The following HMCN2 variants were observed in gnomAD, a reference collection of about 807,000 sequenced individuals.
The protein encoded by HMCN2 is hemicentin 2, also known as hemicentin-2.
In HMCN2, 325 loss-of-function variants were observed where a neutral mutation model predicts 377.5. The ratio of observed to expected loss-of-function variants is 0.86; its 90% CI spans 0.79 to 0.94. The LOEUF is 0.94. HMCN2 is among the 40% of genes least tolerant of loss of function. HMCN2 has a pLI of 0.00. For missense variants in HMCN2, 4,543 were observed against 4,725.3 expected (o/e 0.96, Z 1.13); for synonymous variants, 2,007 against 2,046.8 (o/e 0.98, Z 0.53).
intron 73 of HMCN2, 80 bp from the exon 74 acceptor site, chr9:130,397,448 G>C: frequency 8.2e-7 from 1 of 1,226,248 alleles, no homozygotes; most frequent in South Asian, 1.3e-5. Context: ...TGGGGGCAGA[G>C]GGAAGGGTCT....
chr9:130,385,929 C>G (rs746599916), intron 60 of HMCN2, among the ~76,000 whole-genome samples, 167 bp downstream of exon 60: 1 of 152,156 alleles, frequency 6.6e-6, no homozygotes, highest in Non-Finnish European at 1.5e-5. Flanking sequence ...AAGACATGGG[C>G]AGAGCTCAGG....
intron 54 of HMCN2, among the ~76,000 whole-genome samples, chr9:130,381,284 T>A (rs1183326075): frequency 6.6e-6 from 1 of 151,956 alleles, no homozygotes; most frequent in East Asian, 1.9e-4. Flanking sequence ...AGCCCCAGCC[T>A]AGAATTCTGA....
rs1361556559 is a variant in HMCN2, at chr9:130,290,682, C to T, written c.613-4173C>T. The stretch of plus-strand genomic sequence containing the variant: ...ATGGACGAAGAACCTTGTCCTCATT[C>T]CTTGGCTAAGACAGGTGGGACCTTT... On this transcript the variant is annotated intron_variant, in intron 4 of 97. Coordinates refer to ENST00000683500, the MANE Select transcript of HMCN2 (RefSeq NM_001291815.2). 4.6e-5 allele frequency among the ~76,000 whole-genome samples: 7 copies of T among 152,294 alleles called. No individual in the cohort carries two copies. The East Asian group carries it at 1.2e-3, about 25-fold the overall frequency.
At chr9:130,353,405 G>T (rs1165377041) in intron 31 of HMCN2, among the ~76,000 whole-genome samples, 200 bp downstream of exon 31, 3 of 152,196 alleles carry the variant, frequency 2.0e-5, no homozygotes, top group African/African-American at 7.2e-5. Flanking sequence ...GGAAACTGAG[G>T]CCAGGAGTGG....
intron 8 of HMCN2, among the ~76,000 whole-genome samples, chr9:130,300,428 G>A (rs1478840409): frequency 6.6e-6 from 1 of 152,228 alleles, no homozygotes; most frequent in African/African-American, 2.4e-5. Context: ...ACAATCATCC[G>A]AGTCACCATT....
chr9:130,366,097 G>T, intron 43 of HMCN2, 102 bp downstream of exon 43: 1 of 895,312 alleles, frequency 1.1e-6, no homozygotes. Flanking sequence ...AGCTGAGATG[G>T]GGGGGTCTTA....
intron 4 of HMCN2, 107 bp from the exon 5 acceptor site, chr9:130,294,748 G>A (rs1289658909): frequency 2.9e-6 from 1 of 344,980 alleles, no homozygotes; most frequent in Non-Finnish European, 5.9e-6. Context: ...ATGGAGGAGT[G>A]GGGTGGCCTT....
At chr9:130,302,156 T>G (rs569298895) in intron 8 of HMCN2, among the ~76,000 whole-genome samples, 180 of 151,932 alleles carry the variant, frequency 1.2e-3, no homozygotes, top group African/African-American at 4.0e-3. Flanking sequence ...CAAGCAATTC[T>G]CCTGCCTCAG....
At chr9:130,318,747 C>G (rs1837695723) in intron 15 of HMCN2, among the ~76,000 whole-genome samples, 1 of 152,114 alleles carries the variant, frequency 6.6e-6, no homozygotes, top group Non-Finnish European at 1.5e-5. Flanking sequence ...TAATGCAACC[C>G]CTATTCACTC....
At chr9:130,389,611 G>A (rs527377444) in intron 62 of HMCN2, among the ~76,000 whole-genome samples, 5 of 150,094 alleles carry the variant, frequency 3.3e-5, no homozygotes, top group African/African-American at 1.2e-4. Context: ...GTCTCGCTCT[G>A]TTACCCAGGC....
chr9:130,273,144 C>T (rs1834493339), intron 1 of HMCN2, among the ~76,000 whole-genome samples: 2 of 146,346 alleles, frequency 1.4e-5, no homozygotes, highest in South Asian at 2.2e-4. Context: ...ATAGGTTCCA[C>T]CCTTTTTTTT....
At chr9:130,335,684 G>T (rs1838707027) in intron 22 of HMCN2, among the ~76,000 whole-genome samples, 1 of 152,112 alleles carries the variant, frequency 6.6e-6, no homozygotes, top group Non-Finnish European at 1.5e-5. Flanking sequence ...GTTCACACTA[G>T]ATAAGGACAC....
At chr9:130,338,685 T>C (rs1209596214) in intron 23 of HMCN2, 1 of 152,142 alleles carries the variant, frequency 6.6e-6, no homozygotes, top group Non-Finnish European at 1.5e-5. Context: ...GTGGGAGTCA[T>C]ACACTGAAAA....
chr9:130,274,091 C>T (rs572076772), intron 1 of HMCN2, among the ~76,000 whole-genome samples: 8 of 147,962 alleles, frequency 5.4e-5, no homozygotes, highest in Non-Finnish European at 1.0e-4. Flanking sequence ...CTCACTCTGT[C>T]GCCCAGGCTG....
Position 130,403,757 on chromosome 9 carries a change from C to T in HMCN2, c.12030C>T (p.Val4010=). The change falls in exon 80 of 98, where the codon GTC becomes GTT. Residue 4010 remains valine, a synonymous_variant. Transcript: ENST00000683500. The part of the protein sequence containing the change: ...LNVATGVSTQ[V]LPGGQLRIAH... ...CTCGTTCAGGAGTGAGTACCCAGGT[C>T]CTACCAGGCGGACAGCTGCGGATTG... is the stretch of plus-strand genomic sequence containing the variant. 3 of 1,289,830 alleles carry T rather than the reference C, an allele frequency of 2.3e-6. No homozygotes were observed. Among genetic ancestry groups the T allele is most frequent in the Non-Finnish European group, 3.0e-6 (3 of 988,868 alleles). The allele number at this position is 1,289,830 out of a possible 1,614,324, so 79.9% of individuals were successfully genotyped here. A position where few individuals can be genotyped will look rare whatever the true frequency, so the allele number is the denominator to read the frequency against.
Position 130,353,105 on chromosome 9 carries a change from G to A in HMCN2, c.4764G>A (p.Leu1588=). The change falls in exon 31 of 98, where the codon TTG becomes TTA. Residue 1588 remains leucine (L), a synonymous_variant. Coordinates refer to ENST00000683500, the MANE Select transcript of HMCN2 (RefSeq NM_001291815.2). ...TCTACACTAGGGGCGGTCGGCAGTT[G>A]CAGCTGGGGAGGGCCCAGAGCTCCG... ...KVVYTRGGRQ[L]QLGRAQSSDA... 1.5e-6 allele frequency: 2 copies of A among 1,304,262 alleles called. No individual in the cohort carries two copies. Among genetic ancestry groups the A allele is most frequent in the Middle Eastern group, 4.3e-4 (2 of 4,698 alleles). 80.8% of individuals were successfully genotyped at this position (1,304,262 alleles called of 1,614,324 possible).
intron 15 of HMCN2, among the ~76,000 whole-genome samples, chr9:130,313,205 C>A (rs959113839): frequency 6.7e-6 from 1 of 149,272 alleles, no homozygotes; most frequent in Non-Finnish European, 1.5e-5. Flanking sequence ...TGGCAGCTGT[C>A]GTCCAGCCTT....
At chr9:130,328,085 G>A (rs1479606611) in intron 22 of HMCN2, among the ~76,000 whole-genome samples, 1 of 152,204 alleles carries the variant, frequency 6.6e-6, no homozygotes, top group East Asian at 1.9e-4. Flanking sequence ...CCCTGGCAGG[G>A]TCTTTGAGAT....
In HMCN2 at chr9:130,294,926, G is replaced by A. The variant is rs1461371486; in HGVS notation, c.684G>A (p.Glu228=). 4.2e-6 allele frequency: 2 copies of A among 470,672 alleles called. No homozygotes were observed. The highest frequency in any genetic ancestry group is 8.8e-6 in the Non-Finnish European group (2 of 226,814). The allele number at this position is 470,672 out of a possible 1,614,324, so 29.2% of individuals were successfully genotyped here. A position where few individuals can be genotyped will look rare whatever the true frequency, so the allele number is the denominator to read the frequency against. The part of the protein sequence containing the change: ...VHLLSTDHEE[E]GEHTWRLPFD... ...TGCTGTCCACAGACCACGAGGAGGAGGGGGAGCACACATGGAGACTCCCCT... is the reference window on the plus strand; with the variant it reads ...TGCTGTCCACAGACCACGAGGAGGAAGGGGAGCACACATGGAGACTCCCCT... The change falls in exon 5 of 98, where the codon GAG becomes GAA. Residue 228 remains glutamate, a synonymous_variant. Transcript: ENST00000683500.
Sources: gnomAD v4.1 joint callset for allele counts (sites outside exome capture counted in the v4.1 genomes callset) on GRCh38, gnomAD v4.1.1 for gene constraint, MANE v1.5 for transcripts, NCBI Gene and HGNC (gene_info 2026-07-23, HGNC 2026-07-21) for gene names.